TIAM1: variants seen among roughly 807,000 people sequenced by gnomAD.
TIAM1 encodes rho guanine nucleotide exchange factor TIAM1.
A neutral mutation model predicts 163.5 loss-of-function variants in TIAM1; 65 were observed. That is an observed-to-expected ratio of 0.40 (90% confidence interval 0.33 to 0.49). TIAM1 has a LOEUF of 0.49. Ranked by LOEUF, TIAM1 falls within the 20% of genes least tolerant of loss-of-function variation. The pLI is 0.77. For synonymous variants in TIAM1, 833 were observed against 810.1 expected, an observed-to-expected ratio of 1.03 and a Z score of -0.48; for missense variants, 1,789 against 2,044.7, an observed-to-expected ratio of 0.87 and a Z score of 2.41.
At chr21:31,479,239 C>T (rs1204286088) in intron 1 of TIAM1, among the ~76,000 whole-genome samples, 1 of 152,162 alleles carries the variant, frequency 6.6e-6, no homozygotes, top group Non-Finnish European at 1.5e-5. Flanking sequence ...TAAAAAGCCA[C>T]TTCCCCTCTC....
At chr21:31,534,298 A>G (rs1458335735) in intron 1 of TIAM1, among the ~76,000 whole-genome samples, 1 of 152,240 alleles carries the variant, frequency 6.6e-6, no homozygotes, top group African/African-American at 2.4e-5. Context: ...GCCTACATCG[A>G]GAACAACCAG....
chr21:31,498,545 C>T lies in TIAM1; in HGVS notation c.-421-34510G>A, dbSNP rs1256444623. On this transcript the variant is annotated intron_variant, in intron 1 of 28. Transcript: ENST00000286827. ...TGCTTTGGGGAAGGATTTGATTGGG[C>T]ACACCTGTGCATGTTTGTACCACAT... Among the ~76,000 whole-genome samples the T allele has an allele frequency of 2.6e-5, 4 of 152,324 alleles. No homozygotes were observed. In the East Asian group the frequency reaches 7.7e-4, roughly 29 times the overall value.
chr21:31,314,432 T>A (rs1280568157), intron 2 of TIAM1, among the ~76,000 whole-genome samples: 1 of 152,130 alleles, frequency 6.6e-6, no homozygotes, highest in African/African-American at 2.4e-5. Context: ...AGGGCCAACA[T>A]AGTCAAAGCA....
Position 31,223,460 on chromosome 21 carries a change from C to G in TIAM1, c.1941G>C (p.Thr647=), listed in dbSNP as rs143304426. The change falls in exon 8 of 28, where the codon ACG becomes ACC. Residue 647 remains threonine, a synonymous_variant. Coordinates refer to ENST00000541036, the MANE Select transcript of TIAM1 (RefSeq NM_001353694.2). ...TTCCAAGGCGGCCCATGGCCACTTTCGTTGGTCGACTTGCAAAAGCGAGAA... is the reference window on the plus strand; with the variant it reads ...TTCCAAGGCGGCCCATGGCCACTTTGGTTGGTCGACTTGCAAAAGCGAGAA... ...KRLLAFASRP[T]KVAMGRLGIF... 1.4e-4 allele frequency: 218 copies of G among 1,613,842 alleles called. 4 individuals are homozygous for G. The highest frequency in any genetic ancestry group is 1.2e-3 in the South Asian group (108 of 91,048).
chr21:31,172,204 T>C (rs1420519325), intron 15 of TIAM1, among the ~76,000 whole-genome samples: 1 of 152,076 alleles, frequency 6.6e-6, no homozygotes, highest in Non-Finnish European at 1.5e-5. Flanking sequence ...GAAGAGGGAA[T>C]TCAAGTGGGA....
At position 31,413,635 on chromosome 21, in the gene TIAM1, G is replaced by T. The variant is rs1004926730; in HGVS notation, c.-369+50348C>A. ...TTTTGCTCCTGTCTTTGTCCCCTGCGAAAGGAATACGATTAAATTGATTAT... is the reference window on the plus strand; with the variant it reads ...TTTTGCTCCTGTCTTTGTCCCCTGCTAAAGGAATACGATTAAATTGATTAT... On this transcript the variant is annotated intron_variant, in intron 2 of 28. Coordinates refer to the TIAM1 transcript ENST00000286827. Among the ~76,000 whole-genome samples, 3 of 152,158 alleles carry T rather than the reference G, an allele frequency of 2.0e-5. No homozygotes were observed. In the East Asian group the frequency reaches 5.8e-4, roughly 29 times the overall value.
Position 31,252,182 on chromosome 21 carries a change from T to C in TIAM1, c.971A>G (p.Asn324Ser), listed in dbSNP as rs1177571056. ...TGCAAACTCACTGCCCTCGCCTGCA[T>C]TAACATCCTTGGGAGCAGAAAGAGA... ...GRRAKTTQDV[N>S]AGEGSEFADS... is the part of the protein sequence containing the mutation. The change falls in exon 5 of 28, where the codon AAT becomes AGT. Residue 324 changes from asparagine to serine, a missense_variant. Transcript: ENST00000541036. 1 of 1,603,446 alleles carries C rather than the reference T, an allele frequency of 6.2e-7. No homozygotes were observed. The highest frequency in any genetic ancestry group is 2.2e-5 in the East Asian group (1 of 44,834).
intron 4 of TIAM1, among the ~76,000 whole-genome samples, chr21:31,256,688 A>G (rs566486538): frequency 2.7e-5 from 4 of 150,472 alleles, no homozygotes; most frequent in South Asian, 2.1e-4. Context: ...CTCTCCTTTG[A>G]TAATCTCAGT....
chr21:31,273,265 G>C (rs2073143324), intron 3 of TIAM1, among the ~76,000 whole-genome samples: 1 of 152,062 alleles, frequency 6.6e-6, no homozygotes, highest in South Asian at 2.1e-4. Flanking sequence ...CCACCCAGAG[G>C]AATCAAGAAT....
At chr21:31,475,055 ATTATTAT>A (rs757010183) in intron 1 of TIAM1, among the ~76,000 whole-genome samples, 30,283 of 102,770 alleles carry the variant, frequency 0.29, 3,458 homozygotes, top group African/African-American at 0.36. Flanking sequence ...TATTATTATT[ATTATTAT>A]TTAGTTTTAG....
chr21:31,526,567 T>G (rs1372515538), intron 1 of TIAM1, among the ~76,000 whole-genome samples: 2 of 152,188 alleles, frequency 1.3e-5, no homozygotes, highest in Non-Finnish European at 2.9e-5. Flanking sequence ...TGACAATGCT[T>G]TCCCACGACA....
At chr21:31,281,866 GGATA>G (rs2073583906) in intron 2 of TIAM1, among the ~76,000 whole-genome samples, 1 of 152,010 alleles carries the variant, frequency 6.6e-6, no homozygotes, top group African/African-American at 2.4e-5. Flanking sequence ...GGTGGTAGGT[GGATA>G]GATGGATGGT....
At chr21:31,515,745 T>C (rs1300848103) in intron 1 of TIAM1, among the ~76,000 whole-genome samples, 5 of 152,154 alleles carry the variant, frequency 3.3e-5, no homozygotes, top group Non-Finnish European at 7.3e-5. Context: ...AGAATTTCCA[T>C]GGAGCAAGTG....
At chr21:31,504,686 G>T (rs777191021) in intron 1 of TIAM1, among the ~76,000 whole-genome samples, 2 of 152,170 alleles carry the variant, frequency 1.3e-5, no homozygotes, top group Non-Finnish European at 2.9e-5. Context: ...GCAGTGGAGG[G>T]GGAAATGCAG....
At chr21:31,433,384 A>C (rs1245160839) in intron 2 of TIAM1, among the ~76,000 whole-genome samples, 1 of 152,230 alleles carries the variant, frequency 6.6e-6, no homozygotes, top group African/African-American at 2.4e-5. Context: ...AGGTTGAGCA[A>C]ACTGGGTAGA....
chr21:31,472,446 A>C (rs1295144596), intron 1 of TIAM1, among the ~76,000 whole-genome samples: 1 of 152,148 alleles, frequency 6.6e-6, no homozygotes, highest in African/African-American at 2.4e-5. Context: ...AGAATCGCTT[A>C]AACACAGGGG....
chr21:31,275,064 G>C, intron 3 of TIAM1, among the ~76,000 whole-genome samples: 1 of 151,504 alleles, frequency 6.6e-6, no homozygotes, highest in East Asian at 1.9e-4. Context: ...GGAGACTGCA[G>C]TGAGCCGAGA....
At chr21:31,292,659 C>T (rs1414626013) in intron 2 of TIAM1, among the ~76,000 whole-genome samples, 8 of 149,920 alleles carry the variant, frequency 5.3e-5, no homozygotes, top group East Asian at 2.0e-4. Flanking sequence ...CATGAGCCAC[C>T]GTGCCTGGCA....
At chr21:31,516,107 CA>C (rs1345174912) in intron 1 of TIAM1, among the ~76,000 whole-genome samples, 2,032 of 64,324 alleles carry the variant, frequency 0.032, 38 homozygotes, top group African/African-American at 0.083. Flanking sequence ...GACTCCATCT[CA>C]AAAAAAAAAA....
Sources: allele counts gnomAD v4.1 joint callset (sites outside exome capture counted in the v4.1 genomes callset), GRCh38; gene constraint gnomAD v4.1.1; transcripts MANE v1.5; gene names NCBI Gene and HGNC (gene_info 2026-07-23, HGNC 2026-07-21).